The following HERC1 variants were observed in gnomAD, a reference collection of about 807,000 sequenced individuals.
HERC1 encodes HECT and RLD domain containing E3 ubiquitin protein ligase family member 1, also known as probable E3 ubiquitin-protein ligase HERC1.
Under a neutral mutation model 554.3 loss-of-function variants are expected in HERC1, and 160 were observed. The observed-to-expected ratio is 0.29, with a 90% CI of 0.25 to 0.33. The LOEUF (loss-of-function observed/expected upper bound fraction) is 0.33, where lower values mean the gene tolerates loss of function less well. Among genes scored for constraint, HERC1 ranks in the 10% least tolerant of loss-of-function variants. The pLI is 1.00. For synonymous variants in HERC1, 2,175 were observed against 2,131.7 expected (o/e 1.02, Z -0.56); for missense variants, 4,919 against 5,918.5 (o/e 0.83, Z 5.54).
chr15:63,707,504 A>G (rs940124595), intron 24 of HERC1, among the ~76,000 whole-genome samples: 1 of 152,222 alleles, frequency 6.6e-6, no homozygotes, highest in Admixed American at 6.5e-5. Flanking sequence ...TACTTGGCCT[A>G]TATGTACAGG....
Position 63,758,041 on chromosome 15 carries a change from A to G in HERC1, c.1221+134T>C. 1 of 631,838 alleles carries G rather than the reference A, an allele frequency of 1.6e-6. No individual in the cohort carries two copies. The highest frequency in any genetic ancestry group is 2.5e-6 in the Non-Finnish European group (1 of 396,840). The allele number at this position is 631,838 out of a possible 1,614,324, so 39.1% of individuals were successfully genotyped here. ...TTTTTCTATTAAAATGAAAAAAACT[A>G]ATGCAGTATATAGACCAGAAATAAC... On this transcript the variant is annotated intron_variant, in intron 4 of 77. Transcript: ENST00000443617. This position sits in a 1 kb window ranked among gnomAD's most constrained non-coding sequence, Gnocchi z 4.0.
chr15:63,733,399 C>T (rs2074374904), intron 13 of HERC1, among the ~76,000 whole-genome samples: 1 of 152,106 alleles, frequency 6.6e-6, no homozygotes, highest in Non-Finnish European at 1.5e-5. Flanking sequence ...GCATACTATG[C>T]ATAATGATTT....
At position 63,764,153 on chromosome 15, in the gene HERC1, G is replaced by A. The variant is rs1367502860; in HGVS notation, c.969C>T (p.Thr323=). The A allele has an allele frequency of 2.5e-6, 4 of 1,611,206 alleles. No homozygotes were observed. The East Asian group carries it at 8.9e-5, about 36-fold the overall frequency. The part of the protein sequence containing the change: ...SADRSQWREP[T]RTSDGLCSLY... ...GGGAGCACAAGCCATCCGATGTTCT[G>A]GTTGGTTCTCTCCACTGACTCCGAT... Residue 323 remains threonine (T), a synonymous_variant, in exon 3 of 78, where the codon ACC becomes ACT. Transcript: ENST00000443617.
chr15:63,732,552 A>G (rs1223405553), intron 14 of HERC1, among the ~76,000 whole-genome samples: 3 of 152,244 alleles, frequency 2.0e-5, no homozygotes, highest in Non-Finnish European at 4.4e-5. Context: ...TATAGGGTCC[A>G]CTGTCCTCTA....
At position 63,609,065 on chromosome 15, in the gene HERC1, G is replaced by A. The variant is rs555703834; in HGVS notation, c.*16C>T. On this transcript the variant is annotated 3_prime_UTR_variant, in exon 78 of 78. Transcript: ENST00000443617. The stretch of plus-strand genomic sequence containing the variant: ...ATTATTGAGGGAGAGAAGGGAGGGT[G>A]AGAGCACCCGCACGGTCAGTAGTCA... The A allele has an allele frequency of 1.2e-6, 2 of 1,606,082 alleles. No individual in the cohort carries two copies. The highest frequency in any genetic ancestry group is 1.7e-5 in the Admixed American group (1 of 59,486).
At chr15:63,798,405 C>A (rs1567138446) in intron 1 of HERC1, among the ~76,000 whole-genome samples, 1 of 152,132 alleles carries the variant, frequency 6.6e-6, no homozygotes, top group East Asian at 1.9e-4. Flanking sequence ...TTCTTCTACC[C>A]TCTCCCACCT....
At chr15:63,714,618 C>T (rs1386042823) in intron 22 of HERC1, among the ~76,000 whole-genome samples, 2 of 138,050 alleles carry the variant, frequency 1.4e-5, no homozygotes, top group Admixed American at 7.9e-5. Context: ...GGCACGATCT[C>T]GGCTCACTGC....
intron 14 of HERC1, among the ~76,000 whole-genome samples, chr15:63,731,969 T>A (rs1349678583): frequency 1.3e-5 from 2 of 152,174 alleles, no homozygotes; most frequent in Non-Finnish European, 2.9e-5. Context: ...GAATGGTGTG[T>A]GAGCCGATGA....
intron 57 of HERC1, 113 bp from the exon 58 acceptor site, chr15:63,643,663 G>A: frequency 2.8e-6 from 2 of 718,118 alleles, no homozygotes; most frequent in Non-Finnish European, 4.4e-6. Flanking sequence ...GCAAGGGGGA[G>A]AGATAATTTC....
At position 63,713,663 on chromosome 15, in the gene HERC1, T is replaced by C. The variant is rs1800536605; in HGVS notation, c.4153A>G (p.Ile1385Val). The C allele has an allele frequency of 2.5e-6, 4 of 1,605,934 alleles. No individual in the cohort carries two copies. Among genetic ancestry groups the C allele is most frequent in the South Asian group, 2.2e-5 (2 of 89,884 alleles). ...REHEVMTAGK[I>V]FQCFLSAREV... ...CGGGCTGAGAGGAAACACTGAAAGA[T>C]TTCTGTAACATGCAACACAAAAACA... Residue 1385 changes from isoleucine (I) to valine (V), a missense_variant and splice_region_variant, in exon 23 of 78, where the codon ATC becomes GTC. Transcript: ENST00000443617.
At position 63,712,839 on chromosome 15, in the gene HERC1, A is replaced by C. The variant is rs758543608; in HGVS notation, c.4520T>G (p.Leu1507Arg). The C allele has an allele frequency of 1.2e-6, 2 of 1,613,776 alleles. No homozygotes were observed. The highest frequency in any genetic ancestry group is 4.5e-5 in the East Asian group (2 of 44,862). Reference protein sequence around the residue: ...RLVHTSPNYRLIKSRSESDLS... With the variant: ...RLVHTSPNYRRIKSRSESDLS... ...ATCAGATTCACTCCTCGATTTGATC[A>C]GTCTATAATTTGGGCTTGTGTGGAC... Residue 1507 changes from leucine to arginine, a missense_variant, in exon 24 of 78, where the codon CTG becomes CGG. Leu to Arg is a moderately radical substitution (Grantham distance 102). Around this residue, in one of 11 missense-constraint regions of HERC1, gnomAD observed 1,121 missense variants for 1,244.0 expected, o/e 0.90. Coordinates refer to ENST00000443617, the MANE Select transcript of HERC1 (RefSeq NM_003922.4).
chr15:63,734,989 C>T lies in HERC1; in HGVS notation c.2521-140G>A. On this transcript the variant is annotated intron_variant, in intron 12 of 77. Coordinates refer to ENST00000443617, the MANE Select transcript of HERC1 (RefSeq NM_003922.4). The surrounding 1 kb of genome is among the most constrained non-coding windows in gnomAD (Gnocchi z 4.6). ...TGATAAAAAAGAAAGCATGCAAGTC[C>T]TCCTTCAGATGTCTTTAAGAAGACT... 1.5e-6 allele frequency: 1 copy of T among 685,292 alleles called. No homozygotes were observed. The highest frequency in any genetic ancestry group is 2.4e-6 in the Non-Finnish European group (1 of 420,604). 42.5% of individuals were successfully genotyped at this position (685,292 alleles called of 1,614,324 possible). A position where few individuals can be genotyped will look rare whatever the true frequency, so the allele number is the denominator to read the frequency against.
At position 63,756,896 on chromosome 15, in the gene HERC1, T is replaced by C; in HGVS notation, c.1222-148A>G. The C allele has an allele frequency of 3.5e-6, 2 of 578,248 alleles. No individual in the cohort carries two copies. The highest frequency in any genetic ancestry group is 6.0e-6 in the Non-Finnish European group (2 of 335,752). 35.8% of individuals were successfully genotyped at this position (578,248 alleles called of 1,614,324 possible). On this transcript the variant is annotated intron_variant, in intron 4 of 77. Transcript: ENST00000443617. The surrounding 1 kb of genome is among the most constrained non-coding windows in gnomAD (Gnocchi z 5.0). ...AGAGATTAAGGAATATACAGAAATC[T>C]AAGAGAACACGAATGGCCTTTTCAT...
At position 63,727,086 on chromosome 15, in the gene HERC1, G is replaced by A. The variant is rs1337861705; in HGVS notation, c.3346+561C>T. On this transcript the variant is annotated intron_variant, in intron 17 of 77. Coordinates refer to ENST00000443617, the MANE Select transcript of HERC1 (RefSeq NM_003922.4). The surrounding 1 kb of genome is among the most constrained non-coding windows in gnomAD (Gnocchi z 4.3). ...AGGTCAGGAGTTCAAGAACAGCCTG[G>A]CCAACATGGTGAAACCCCGTCTCTA... Among the ~76,000 whole-genome samples the A allele has an allele frequency of 6.6e-6, 1 of 151,924 alleles. No homozygotes were observed. Among genetic ancestry groups the A allele is most frequent in the African/African-American group, 2.4e-5 (1 of 41,292 alleles).
rs1258328123 is a variant in HERC1, at chr15:63,680,425, GAA to G, written c.6465+110_6465+111del. 1.7e-6 allele frequency: 2 copies of G among 1,150,028 alleles called. No homozygotes were observed. Among genetic ancestry groups the G allele is most frequent in the Non-Finnish European group, 2.4e-6 (2 of 830,782 alleles). The allele number at this position is 1,150,028 out of a possible 1,614,324, so 71.2% of individuals were successfully genotyped here. A position where few individuals can be genotyped will look rare whatever the true frequency, so the allele number is the denominator to read the frequency against. Reference sequence around the variant, plus strand: ...TTTAAGAACCAGAAAGTATTAGAGAGAAAGGAGAGACGAGCAGATAATCTATA... The same window carrying G: ...TTTAAGAACCAGAAAGTATTAGAGAGAGGAGAGACGAGCAGATAATCTATA... On this transcript the variant is annotated intron_variant, in intron 35 of 77. Coordinates refer to ENST00000443617, the MANE Select transcript of HERC1 (RefSeq NM_003922.4). The surrounding 1 kb of genome is among the most constrained non-coding windows in gnomAD (Gnocchi z 5.8).
chr15:63,818,150 GTGTT>G (rs1271251689), intron 1 of HERC1, among the ~76,000 whole-genome samples: 1 of 152,028 alleles, frequency 6.6e-6, no homozygotes, highest in Non-Finnish European at 1.5e-5. Context: ...GTGAAAAAAA[GTGTT>G]TAAGTATTAT....
rs578254276 is a variant in HERC1 at position 63,742,952 on chromosome 15, C to G, written c.2520+3966G>C. 5.6e-3 allele frequency among the ~76,000 whole-genome samples: 853 copies of G among 152,234 alleles called. 6 individuals are homozygous for G. The highest frequency in any genetic ancestry group is 0.019 in the African/African-American group (778 of 41,544). ...CTGGTCTATAGTTTTTCTTTTCTTG[C>G]AATGTTTTGGTCCACAATTAGGGTA... On this transcript the variant is annotated intron_variant, in intron 12 of 77. Coordinates refer to ENST00000443617, the MANE Select transcript of HERC1 (RefSeq NM_003922.4).
At chr15:63,796,503 G>A (rs1322767799) in intron 1 of HERC1, among the ~76,000 whole-genome samples, 7 of 152,176 alleles carry the variant, frequency 4.6e-5, no homozygotes, top group Non-Finnish European at 1.0e-4. Context: ...GGTGTAGACT[G>A]TAAACCAAAA....
chr15:63,721,409 C>G (rs1280419504), intron 19 of HERC1, among the ~76,000 whole-genome samples: 1 of 152,008 alleles, frequency 6.6e-6, no homozygotes, highest in African/African-American at 2.4e-5. Flanking sequence ...GCCTGTAATC[C>G]CAGCTACTCA....
Sources: gnomAD v4.1 joint callset for allele counts (sites outside exome capture counted in the v4.1 genomes callset) on GRCh38, gnomAD v4.1.1 for gene constraint, gnomAD v4.1.1 regional missense constraint, Gnocchi (gnomAD v3.1) non-coding constraint, MANE v1.5 for transcripts, NCBI Gene and HGNC (gene_info 2026-07-23, HGNC 2026-07-21) for gene names.